ULK4: variants seen among roughly 807,000 people sequenced by gnomAD.
ULK4 encodes the protein unc-51 like kinase 4, also known as inactive serine/threonine-protein kinase ULK4.
Under a neutral mutation model 160.6 loss-of-function variants are expected in ULK4, and 133 were observed. That is an observed-to-expected ratio of 0.83 (90% CI 0.72 to 0.96). The LOEUF (loss-of-function observed/expected upper bound fraction) is 0.96, where lower values mean the gene tolerates loss of function less well. Ranked by LOEUF, ULK4 falls within the 40% of genes least tolerant of loss-of-function variation. ULK4 has a pLI of 0.00. For synonymous variants in ULK4, 534 were observed against 539.8 expected (o/e 0.99, Z 0.15); for missense variants, 1,580 against 1,499.5 (o/e 1.05, Z -0.89).
At chr3:41,832,054 G>T (rs1242988076) in intron 18 of ULK4, among the ~76,000 whole-genome samples, 1 of 151,974 alleles carries the variant, frequency 6.6e-6, no homozygotes, top group Non-Finnish European at 1.5e-5. Flanking sequence ...TATTCCTTTG[G>T]GTTTATAACC....
chr3:41,300,836 ATTATATAT>A (rs1171275910), intron 35 of ULK4, among the ~76,000 whole-genome samples: 4,656 of 79,362 alleles, frequency 0.059, 354 homozygotes, highest in Middle Eastern at 0.089. Flanking sequence ...CATTTTACAG[ATTATATAT>A]ATATATATAT....
At chr3:41,437,793 T>C (rs1224263755) in intron 34 of ULK4, among the ~76,000 whole-genome samples, 1 of 152,210 alleles carries the variant, frequency 6.6e-6, no homozygotes, top group East Asian at 1.9e-4. Flanking sequence ...TTTCTAATAC[T>C]AATTAAAAGA....
chr3:41,300,843 A>C (rs1480944713), intron 35 of ULK4, among the ~76,000 whole-genome samples: 1 of 40,348 alleles, frequency 2.5e-5, no homozygotes, highest in African/African-American at 1.0e-4. Context: ...CAGATTATAT[A>C]TATATATATA....
intron 30 of ULK4, among the ~76,000 whole-genome samples, chr3:41,642,324 T>A (rs941104434): frequency 3.3e-5 from 5 of 152,158 alleles, no homozygotes; most frequent in Admixed American, 6.5e-5. Flanking sequence ...TATCTCCTAA[T>A]GCTATCCCTC....
intron 35 of ULK4, among the ~76,000 whole-genome samples, chr3:41,279,978 A>T (rs1489504238): frequency 6.6e-6 from 1 of 152,108 alleles, no homozygotes; most frequent in African/African-American, 2.4e-5. Context: ...CAAACAAAAC[A>T]AAACAAAACT....
At chr3:41,485,629 T>A (rs1306563877) in intron 32 of ULK4, among the ~76,000 whole-genome samples, 1 of 152,166 alleles carries the variant, frequency 6.6e-6, no homozygotes, top group Non-Finnish European at 1.5e-5. Context: ...CCACTCAGAG[T>A]GAGTCCATTC....
At chr3:41,939,248 C>G (rs1377709579) in intron 2 of ULK4, among the ~76,000 whole-genome samples, 1 of 151,564 alleles carries the variant, frequency 6.6e-6, no homozygotes, top group East Asian at 1.9e-4. Context: ...GCACCCTCTG[C>G]CTCCCAGGTT....
intron 2 of ULK4, among the ~76,000 whole-genome samples, chr3:41,952,034 A>T (rs1055237000): frequency 6.6e-6 from 1 of 152,236 alleles, no homozygotes; most frequent in African/African-American, 2.4e-5. Flanking sequence ...TTTACGGAAC[A>T]CCACATAGAA....
chr3:41,928,965 G>T (rs1699485550), intron 5 of ULK4, among the ~76,000 whole-genome samples: 1 of 151,918 alleles, frequency 6.6e-6, no homozygotes, highest in Admixed American at 6.6e-5. Flanking sequence ...TATAAAAAGA[G>T]GGACTCCTGC....
Position 41,267,027 on chromosome 3 carries a change from G to C in ULK4, c.3679-17453C>G, listed in dbSNP as rs534943792. Among the ~76,000 whole-genome samples the C allele has an allele frequency of 1.7e-3, 233 of 140,988 alleles. 1 individual carries two copies. The highest frequency in any genetic ancestry group is 3.0e-3 in the Non-Finnish European group (192 of 64,612). The allele number at this position is 140,988 out of a possible 152,430, so 92.5% of individuals were successfully genotyped here. A position where few individuals can be genotyped will look rare whatever the true frequency, so the allele number is the denominator to read the frequency against. ...AAATCTGTGTCTCTATTGGGGGGGG[G>C]GGGTTTAAGGCTTTTTTTTTTTTTG... On this transcript the variant is annotated intron_variant, in intron 35 of 36. Coordinates refer to ENST00000301831, the MANE Select transcript of ULK4 (RefSeq NM_017886.4).
chr3:41,814,190 A>G (rs1192953441), intron 19 of ULK4, among the ~76,000 whole-genome samples: 2 of 152,220 alleles, frequency 1.3e-5, no homozygotes, highest in Non-Finnish European at 2.9e-5. Flanking sequence ...TGTATGTAGT[A>G]TCTTTCAAGG....
chr3:41,852,249 C>T (rs1478692025), intron 17 of ULK4, among the ~76,000 whole-genome samples: 1 of 152,222 alleles, frequency 6.6e-6, no homozygotes, highest in East Asian at 1.9e-4. Flanking sequence ...TAATTAATAG[C>T]TTACAAACCA....
chr3:41,744,410 C>T (rs2038349430), intron 22 of ULK4, among the ~76,000 whole-genome samples: 1 of 151,878 alleles, frequency 6.6e-6, no homozygotes, highest in Non-Finnish European at 1.5e-5. Flanking sequence ...GTGACTGTAT[C>T]AATATCAAAT....
chr3:41,957,954 G>A (rs1002808774), intron 1 of ULK4, among the ~76,000 whole-genome samples: 1 of 151,332 alleles, frequency 6.6e-6, no homozygotes, highest in African/African-American at 2.4e-5. Context: ...TGAGGCAGGA[G>A]GATAGCTTGA....
intron 7 of ULK4, among the ~76,000 whole-genome samples, chr3:41,917,909 C>T (rs1250029927): frequency 6.6e-6 from 1 of 152,052 alleles, no homozygotes; most frequent in African/African-American, 2.4e-5. Flanking sequence ...ACTGCTTGAA[C>T]CCGGGAGGCG....
intron 29 of ULK4, among the ~76,000 whole-genome samples, chr3:41,679,426 A>C (rs996193807): frequency 6.6e-6 from 1 of 152,224 alleles, no homozygotes; most frequent in Non-Finnish European, 1.5e-5. Flanking sequence ...TCAGTCTGAA[A>C]GGTTTGAAAA....
In ULK4 at chr3:41,411,466, C is replaced by T. The variant is rs1220453307; in HGVS notation, c.3493-13202G>A. On this transcript the variant is annotated intron_variant, in intron 34 of 36. Coordinates refer to ENST00000301831, the MANE Select transcript of ULK4 (RefSeq NM_017886.4). ...ATTTTGAGACAGAGTCTCACTCTGTCGCCCAGGCTGGAGTGCAGTGGCGCT... is the reference window on the plus strand; with the variant it reads ...ATTTTGAGACAGAGTCTCACTCTGTTGCCCAGGCTGGAGTGCAGTGGCGCT... Among the ~76,000 whole-genome samples the T allele has an allele frequency of 6.1e-5, 9 of 147,602 alleles. No individual in the cohort carries two copies. In the Admixed American group the frequency reaches 6.3e-4, roughly 10 times the overall value.
At chr3:41,839,934 A>C (rs1046836537) in intron 17 of ULK4, among the ~76,000 whole-genome samples, 2 of 152,210 alleles carry the variant, frequency 1.3e-5, no homozygotes, top group African/African-American at 4.8e-5. Flanking sequence ...AAGAACATCT[A>C]AATAAATGGA....
chr3:41,746,660 T>C (rs925968146), intron 22 of ULK4, among the ~76,000 whole-genome samples: 9 of 151,752 alleles, frequency 5.9e-5, no homozygotes, highest in African/African-American at 1.5e-4. Context: ...GAAAAGCATA[T>C]AGGTCCCAGA....
Sources: allele counts gnomAD v4.1 joint callset (sites outside exome capture counted in the v4.1 genomes callset), GRCh38; gene constraint gnomAD v4.1.1; transcripts MANE v1.5; gene names NCBI Gene and HGNC (gene_info 2026-07-23, HGNC 2026-07-21).